The following MYH16 variants were observed in gnomAD, a reference collection of about 807,000 sequenced individuals.
MYH16 encodes the protein myosin heavy chain 16, also known as putative uncharacterized protein MYH16.
chr7:99,269,247 T>A (rs1792020671), intron 18 of MYH16, among the ~76,000 whole-genome samples: 1 of 151,606 alleles, frequency 6.6e-6, no homozygotes, highest in Admixed American at 6.6e-5. Context: ...AGTAACCCTG[T>A]CTTGAATTTT....
chr7:99,279,036 T>A (rs1792163219), intron 21 of MYH16, among the ~76,000 whole-genome samples: 1 of 150,390 alleles, frequency 6.6e-6, no homozygotes. Context: ...TACAAAAAAG[T>A]TTAAAAATTA....
chr7:99,256,644 G>A (rs1360055565), intron 9 of MYH16, among the ~76,000 whole-genome samples: 4 of 152,110 alleles, frequency 2.6e-5, no homozygotes, highest in African/African-American at 9.7e-5. Context: ...GCATGGTGGC[G>A]CATGCCTGTA....
At chr7:99,282,971 TAC>T (rs1792222169) in intron 23 of MYH16, among the ~76,000 whole-genome samples, 1 of 152,218 alleles carries the variant, frequency 6.6e-6, no homozygotes, top group African/African-American at 2.4e-5. Flanking sequence ...GAATGTGGAC[TAC>T]AGAGTTCTTC....
rs549553080 is a variant in MYH16, at chr7:99,243,657, G to A, written n.354+236G>A. On this transcript the variant is annotated intron_variant and non_coding_transcript_variant, in intron 2 of 41. Coordinates refer to ENST00000439784, the Ensembl canonical transcript of MYH16. ...GCAGCTTTTGCTGAGGCTGTCACCC[G>A]AAAATCTTCCTCCTCATGTTCCTCC... 2.7e-3 allele frequency among the ~76,000 whole-genome samples: 408 copies of A among 152,220 alleles called. 1 individual carries two copies. The highest frequency in any genetic ancestry group is 4.6e-3 in the Non-Finnish European group (315 of 68,014).
At chr7:99,286,213 G>T (rs968993346) in intron 27 of MYH16, among the ~76,000 whole-genome samples, 2 of 152,128 alleles carry the variant, frequency 1.3e-5, no homozygotes, top group Admixed American at 6.5e-5. Flanking sequence ...ACTTGAGACC[G>T]GGAGACCAGC....
chr7:99,307,905 G>A (rs922235453), downstream of MYH16, among the ~76,000 whole-genome samples: 14 of 151,858 alleles, frequency 9.2e-5, no homozygotes, highest in African/African-American at 3.4e-4. Context: ...TAGTAGAGAC[G>A]GGGTTTCACC....
chr7:99,297,803 A>T lies in MYH16; in HGVS notation n.4636+7A>T. On this transcript the variant is annotated splice_region_variant and intron_variant and non_coding_transcript_variant, in intron 35 of 41. Coordinates refer to ENST00000439784, the Ensembl canonical transcript of MYH16. ...AGCTGAGTCTTCCCTGGAGGTAACC[A>T]TGGGGTCATCACCTTGGGGACTGTG... 2.2e-6 allele frequency: 1 copy of T among 456,724 alleles called. No homozygotes were observed. Among genetic ancestry groups the T allele is most frequent in the South Asian group, 1.5e-5 (1 of 64,564 alleles). The allele number at this position is 456,724 out of a possible 1,614,324, so 28.3% of individuals were successfully genotyped here.
intron 18 of MYH16, among the ~76,000 whole-genome samples, chr7:99,267,605 T>C (rs929382109): frequency 3.9e-5 from 6 of 152,216 alleles, no homozygotes; most frequent in Non-Finnish European, 5.9e-5. Flanking sequence ...GGAAGTTTGC[T>C]TGGGCAGAGC....
intron 11 of MYH16, among the ~76,000 whole-genome samples, chr7:99,259,855 A>G (rs933419443): frequency 1.3e-5 from 2 of 149,086 alleles, no homozygotes; most frequent in Non-Finnish European, 3.0e-5. Context: ...ATGTGTATAT[A>G]TATATATATA....
At chr7:99,256,072 C>T (rs1378629656) in intron 9 of MYH16, among the ~76,000 whole-genome samples, 3 of 151,988 alleles carry the variant, frequency 2.0e-5, no homozygotes, top group Admixed American at 6.6e-5. Flanking sequence ...GTTCTCTCTC[C>T]TCTTGGACAA....
intron 36 of MYH16, among the ~76,000 whole-genome samples, chr7:99,298,674 G>A (rs577148320): frequency 6.6e-6 from 1 of 151,934 alleles, no homozygotes; most frequent in South Asian, 2.1e-4. Flanking sequence ...TCTTTTTATT[G>A]TTGAGTTGTA....
At chr7:99,296,203 C>T (rs1027690957) in intron 33 of MYH16, among the ~76,000 whole-genome samples, 8 of 145,626 alleles carry the variant, frequency 5.5e-5, no homozygotes, top group African/African-American at 1.5e-4. Flanking sequence ...TGCTACCCCA[C>T]GAAAGAAACA....
chr7:99,271,623 G>A lies in MYH16; in HGVS notation n.2403+530G>A, dbSNP rs1414969426. ...TTTTTTACTGATACCTAATAGCTAT[G>A]CATATTTTAGGTTTTATGTGATAAC... On this transcript the variant is annotated intron_variant and non_coding_transcript_variant, in intron 19 of 41. Transcript: ENST00000439784. Among the ~76,000 whole-genome samples the A allele has an allele frequency of 2.6e-5, 4 of 152,304 alleles. No individual in the cohort carries two copies. The East Asian group carries it at 5.8e-4, about 22-fold the overall frequency.
chr7:99,272,240 T>TA (rs1792055807), intron 19 of MYH16, among the ~76,000 whole-genome samples: 1 of 152,136 alleles, frequency 6.6e-6, no homozygotes, highest in South Asian at 2.1e-4. Context: ...GCCTTCCTCT[T>TA]ACTTGATTCA....
At chr7:99,302,566 C>G (rs1792616049) in intron 38 of MYH16, among the ~76,000 whole-genome samples, 1 of 151,550 alleles carries the variant, frequency 6.6e-6, no homozygotes, top group African/African-American at 2.4e-5. Flanking sequence ...GACTCTGACT[C>G]AAAAATAAAA....
At chr7:99,289,544 T>G (rs1792338807) in intron 30 of MYH16, 140 bp downstream of exon 11, 1 of 174,162 alleles carries the variant, frequency 5.7e-6, no homozygotes, top group Admixed American at 6.4e-5. Context: ...TTATTCCACC[T>G]GCTGAATGTT....
At chr7:99,282,892 G>T (rs1350992737) in intron 23 of MYH16, among the ~76,000 whole-genome samples, 1 of 152,074 alleles carries the variant, frequency 6.6e-6, no homozygotes, top group Non-Finnish European at 1.5e-5. Flanking sequence ...GTAAAAGGGT[G>T]CTGGGCTCTA....
At chr7:99,283,197 C>T (rs1395482938) in intron 23 of MYH16, among the ~76,000 whole-genome samples, 5 of 152,142 alleles carry the variant, frequency 3.3e-5, no homozygotes, top group Admixed American at 6.5e-5. Flanking sequence ...CTCCTGGGCT[C>T]GTGATCGTCC....
chr7:99,250,875 G>A (rs926003278), intron 5 of MYH16, among the ~76,000 whole-genome samples: 2 of 152,194 alleles, frequency 1.3e-5, no homozygotes, highest in Admixed American at 1.3e-4. Context: ...CCCTCCCAGT[G>A]TCACGGAGCC....
Sources: gnomAD v4.1 joint callset for allele counts (sites outside exome capture counted in the v4.1 genomes callset) on GRCh38, gnomAD v4.1.1 for gene constraint, MANE v1.5 for transcripts, NCBI Gene and HGNC (gene_info 2026-07-23, HGNC 2026-07-21) for gene names.